HSPA9: variants seen among roughly 807,000 people sequenced by gnomAD.
HSPA9 encodes stress-70 protein, mitochondrial.
HSPA9 carries 28 observed loss-of-function variants against 81.5 expected under a neutral mutation model. That is an observed-to-expected ratio of 0.34 (90% CI 0.25 to 0.47). HSPA9 has a LOEUF of 0.47. Ranked by LOEUF, HSPA9 falls within the 20% of genes least tolerant of loss-of-function variation. The pLI is 1.00. For missense variants in HSPA9, 678 were observed against 838.0 expected (o/e 0.81, Z 2.36); for synonymous variants, 293 against 290.4 (o/e 1.01, Z -0.09).
At chr5:138,575,157 G>C (rs548566672) in intron 1 of HSPA9, 81 bp downstream of exon 1, 90 of 973,190 alleles carry the variant, frequency 9.2e-5, no homozygotes, top group Admixed American at 1.9e-4. Context: ...AAACCCTAAA[G>C]GGCGCGCGGC....
Position 138,575,303 on chromosome 5 carries a change from G to A in HSPA9, c.16C>T (p.Arg6Ter). 6.2e-7 allele frequency: 1 copy of A among 1,612,132 alleles called. No individual in the cohort carries two copies. The highest frequency in any genetic ancestry group is 8.5e-7 in the Non-Finnish European group (1 of 1,179,522). MISAS[R>*]AAAARLVGAA... ...CCCACGAGACGGGCTGCTGCAGCTC[G>A]GCTGGCACTTATCATGGCGGATAAA... Residue 6 changes from arginine to a stop codon, truncating the protein, a stop_gained, in exon 1 of 17, where the codon CGA (arginine) becomes TGA (stop). Transcript: ENST00000297185. LOFTEE classifies it high-confidence loss of function.
At chr5:138,570,831 T>G in intron 4 of HSPA9, 129 bp downstream of exon 4, 1 of 885,332 alleles carries the variant, frequency 1.1e-6, no homozygotes, top group Non-Finnish European at 1.9e-6. Context: ...TGGTACAGAT[T>G]TCCCCTAGGG....
chr5:138,567,355 TTAAAATCAG>T, intron 7 of HSPA9, 91 bp downstream of exon 7: 1 of 1,090,530 alleles, frequency 9.2e-7, no homozygotes, highest in Non-Finnish European at 1.4e-6. Context: ...CAATACAGAC[TTAAAATCAG>T]TAAAAGCACT....
chr5:138,557,222 C>T (rs1338972711), intron 14 of HSPA9, 180 bp downstream of exon 14: 2 of 650,478 alleles, frequency 3.1e-6, no homozygotes, highest in Middle Eastern at 3.3e-4. Flanking sequence ...GCCTGAGCCT[C>T]CCAAGTAGCT....
At chr5:138,558,168 T>G (rs1418397602) in intron 12 of HSPA9, among the ~76,000 whole-genome samples, 182 bp from the exon 13 acceptor site, 1 of 152,190 alleles carries the variant, frequency 6.6e-6, no homozygotes, top group African/African-American at 2.4e-5. Flanking sequence ...ATCAACTGGT[T>G]TTATACCAGT....
chr5:138,554,371 G>A lies in HSPA9; in HGVS notation c.*1666C>T, dbSNP rs910629010. 2.8e-4 allele frequency among the ~76,000 whole-genome samples: 43 copies of A among 152,064 alleles called. 1 individual carries two copies. The highest frequency in any genetic ancestry group is 1.0e-3 in the African/African-American group (43 of 41,402). On this transcript the variant is annotated 3_prime_UTR_variant, in exon 17 of 17. Coordinates refer to ENST00000297185, the MANE Select transcript of HSPA9 (RefSeq NM_004134.7). Reference sequence around the variant, plus strand: ...GGAGACAGTAGAGGCAGTGGGCAAGGGCCAACCAAAAATGCTAAAAGTTAT... The same window carrying A: ...GGAGACAGTAGAGGCAGTGGGCAAGAGCCAACCAAAAATGCTAAAAGTTAT...
Position 138,556,950 on chromosome 5 carries a change from G to C in HSPA9, c.1729-84C>G, listed in dbSNP as rs1387398057. 1.1e-5 allele frequency: 10 copies of C among 877,550 alleles called. No individual in the cohort carries two copies. The Admixed American group carries it at 1.7e-4, about 15-fold the overall frequency. 54.4% of individuals were successfully genotyped at this position (877,550 alleles called of 1,614,324 possible). A position where few individuals can be genotyped will look rare whatever the true frequency, so the allele number is the denominator to read the frequency against. The stretch of plus-strand genomic sequence containing the variant: ...TCTATACTCAGACAATAAGCTATGT[G>C]TTACATACAGTTACAGATAAAAATA... On this transcript the variant is annotated intron_variant, in intron 14 of 16. Transcript: ENST00000297185.
rs1438842443 is a variant in HSPA9 at position 138,554,192 on chromosome 5, C to T, written c.*1845G>A. Among the ~76,000 whole-genome samples, 1 of 152,162 alleles carries T rather than the reference C, an allele frequency of 6.6e-6. No individual in the cohort carries two copies. The highest frequency in any genetic ancestry group is 1.5e-5 in the Non-Finnish European group (1 of 68,022). ...AATACTGTGTCCACCCATACCCAAG[C>T]AACTTCTCCCTCCTAATAGAACTCA... On this transcript the variant is annotated 3_prime_UTR_variant, in exon 17 of 17. Coordinates refer to ENST00000297185, the MANE Select transcript of HSPA9 (RefSeq NM_004134.7).
rs911697524 is a variant in HSPA9 at position 138,556,769 on chromosome 5, C to T, written c.1821+5G>A. On this transcript the variant is annotated splice_donor_5th_base_variant and intron_variant, in intron 15 of 16. Coordinates refer to ENST00000297185, the MANE Select transcript of HSPA9 (RefSeq NM_004134.7). ...CCTCTTGAGTTACTTTAAAATAGAA[C>T]TCACCTCATCAGCAGGTAATTGGTC... 1 of 1,608,158 alleles carries T rather than the reference C, an allele frequency of 6.2e-7. No individual in the cohort carries two copies. The highest frequency in any genetic ancestry group is 8.5e-7 in the Non-Finnish European group (1 of 1,174,626).
At chr5:138,569,310 G>A (rs181072677) in intron 4 of HSPA9, among the ~76,000 whole-genome samples, 42 of 152,176 alleles carry the variant, frequency 2.8e-4, no homozygotes, top group South Asian at 2.7e-3. Context: ...TTTATTTAGC[G>A]CCCCAGGCAG....
In HSPA9 at chr5:138,569,105, A is replaced by G; in HGVS notation, c.411-56T>C. On this transcript the variant is annotated intron_variant, in intron 4 of 16. Coordinates refer to ENST00000297185, the MANE Select transcript of HSPA9 (RefSeq NM_004134.7). ...ACTACCTGAACAACTTACCATGACA[A>G]AATTACCACATACCATGAACATCCA... is the stretch of plus-strand genomic sequence containing the variant. 2.6e-6 allele frequency: 4 copies of G among 1,537,052 alleles called. No homozygotes were observed. The South Asian group carries it at 3.4e-5, about 13-fold the overall frequency.
At position 138,554,037 on chromosome 5, in the gene HSPA9, G is replaced by A. The variant is rs1231314496; in HGVS notation, c.*2000C>T. Among the ~76,000 whole-genome samples the A allele has an allele frequency of 6.6e-6, 1 of 152,146 alleles. No individual in the cohort carries two copies. Among genetic ancestry groups the A allele is most frequent in the East Asian group, 1.9e-4 (1 of 5,204 alleles). ...AGCAGTGGACTGTGGGTGGGACCTCGGTTCCATAATTGTGAGCCAGTTTCT... is the reference window on the plus strand; with the variant it reads ...AGCAGTGGACTGTGGGTGGGACCTCAGTTCCATAATTGTGAGCCAGTTTCT... On this transcript the variant is annotated 3_prime_UTR_variant, in exon 17 of 17. Coordinates refer to ENST00000297185, the MANE Select transcript of HSPA9 (RefSeq NM_004134.7).
At chr5:138,560,127 C>A in intron 10 of HSPA9, 36 bp from the exon 11 acceptor site, 1 of 1,513,040 alleles carries the variant, frequency 6.6e-7, no homozygotes, top group Admixed American at 1.7e-5. Context: ...TCGGCCCACA[C>A]TTGGGAACTA....
At chr5:138,575,201 G>A (rs1751064225) in intron 1 of HSPA9, 37 bp downstream of exon 1, 3 of 1,474,370 alleles carry the variant, frequency 2.0e-6, no homozygotes, top group Non-Finnish European at 9.4e-7. Flanking sequence ...CAAGGCCCGA[G>A]GCCGTGACCC....
At chr5:138,575,006 A>T (rs1164817541) in intron 1 of HSPA9, 2 of 594,328 alleles carry the variant, frequency 3.4e-6, no homozygotes, top group Non-Finnish European at 6.0e-6. Context: ...GGTAATTTTG[A>T]AATGACACTC....
chr5:138,566,520 C>A (rs1750766078), intron 9 of HSPA9, 106 bp downstream of exon 9: 23 of 861,558 alleles, frequency 2.7e-5, no homozygotes, highest in South Asian at 2.4e-4. Flanking sequence ...AACAAACAAA[C>A]AAAAAAAACT....
chr5:138,558,708 T>C, intron 11 of HSPA9, 51 bp from the exon 12 acceptor site: 1 of 1,131,910 alleles, frequency 8.8e-7, no homozygotes, highest in Non-Finnish European at 1.4e-6. Context: ...ACCTACTCCA[T>C]TTCTATAGAA....
intron 5 of HSPA9, among the ~76,000 whole-genome samples, chr5:138,568,648 A>T (rs1354475420): frequency 6.6e-6 from 1 of 152,206 alleles, no homozygotes; most frequent in Non-Finnish European, 1.5e-5. Flanking sequence ...TTTATACCTA[A>T]CAGGGACAAA....
rs1580747572 is a variant in HSPA9, at chr5:138,567,400, T to G, written c.716+55A>C. 8 of 1,363,500 alleles carry G rather than the reference T, an allele frequency of 5.9e-6. No individual in the cohort carries two copies. In the East Asian group the frequency reaches 1.4e-4, roughly 23 times the overall value. The allele number at this position is 1,363,500 out of a possible 1,614,324, so 84.5% of individuals were successfully genotyped here. A position where few individuals can be genotyped will look rare whatever the true frequency, so the allele number is the denominator to read the frequency against. On this transcript the variant is annotated intron_variant, in intron 7 of 16. Transcript: ENST00000297185. ...GTAAAAGGCTCAATTACTAAAAAAT[T>G]AAGTGACACTTTAGTTTCACACATC...
Sources: gnomAD v4.1 joint callset for allele counts (sites outside exome capture counted in the v4.1 genomes callset) on GRCh38, gnomAD v4.1.1 for gene constraint, MANE v1.5 for transcripts, NCBI Gene and HGNC (gene_info 2026-07-23, HGNC 2026-07-21) for gene names.